Variants in FTCDNL1 observed in about 807,000 individuals in gnomAD.
FTCDNL1 encodes the protein formiminotransferase N-terminal subdomain-containing protein.
FTCDNL1 carries 11 observed loss-of-function variants against 5.9 expected under a neutral mutation model. The ratio of observed to expected loss-of-function variants is 1.87; its 90% confidence interval spans 1.18 to 3.10. The LOEUF (loss-of-function observed/expected upper bound fraction) is 3.10, where lower values mean the gene tolerates loss of function less well. Among genes scored for constraint, FTCDNL1 ranks in the 30% most tolerant of loss-of-function variants. The pLI, the probability that FTCDNL1 is intolerant of heterozygous loss-of-function variation, is 0.00. For synonymous variants in FTCDNL1, 58 were observed against 24.8 expected (o/e 2.34, Z -3.99); for missense variants, 115 against 65.5 (o/e 1.76, Z -2.61).
intron 3 of FTCDNL1, among the ~76,000 whole-genome samples, chr2:199,832,387 T>C (rs1202325029): frequency 6.6e-6 from 1 of 152,156 alleles, no homozygotes; most frequent in African/African-American, 2.4e-5. Context: ...AAAGTCACAA[T>C]AGCATTTACT....
intron 3 of FTCDNL1, among the ~76,000 whole-genome samples, chr2:199,838,405 C>T (rs980018744): frequency 1.3e-5 from 2 of 152,112 alleles, no homozygotes; most frequent in African/African-American, 2.4e-5. Flanking sequence ...CATATGTTTA[C>T]TTTCATTTCT....
Position 199,830,241 on chromosome 2 carries a change from T to C in FTCDNL1, c.212-10484A>G, listed in dbSNP as rs559077773. On this transcript the variant is annotated intron_variant, in intron 3 of 4. Coordinates refer to ENST00000420128, the MANE Select transcript of FTCDNL1 (RefSeq NM_001363886.2). Reference sequence around the variant, plus strand: ...TAAAAATTTCAGATGATAAGACAGATAGCCCTAAAAGTTTTTGCCTAAACT... The same window carrying C: ...TAAAAATTTCAGATGATAAGACAGACAGCCCTAAAAGTTTTTGCCTAAACT... Among the ~76,000 whole-genome samples, 208 of 152,284 alleles carry C rather than the reference T, an allele frequency of 1.4e-3. 1 individual carries two copies. The highest frequency in any genetic ancestry group is 0.01 in the Middle Eastern group (3 of 294).
chr2:199,835,777 T>C (rs1228138660), intron 3 of FTCDNL1, among the ~76,000 whole-genome samples: 1 of 152,160 alleles, frequency 6.6e-6, no homozygotes, highest in Non-Finnish European at 1.5e-5. Flanking sequence ...CCTTACTAGA[T>C]CCACAATCTC....
the FTCDNL1 span, among the ~76,000 whole-genome samples, chr2:199,692,217 A>G: frequency 6.6e-6 from 1 of 152,164 alleles, no homozygotes; most frequent in South Asian, 2.1e-4. Flanking sequence ...ACCTTGAGTC[A>G]CTCAATAGAA....
At chr2:199,699,413 C>A in the FTCDNL1 span, among the ~76,000 whole-genome samples, 6 of 152,124 alleles carry the variant, frequency 3.9e-5, no homozygotes, top group East Asian at 1.2e-3. Flanking sequence ...GTGATTGCAC[C>A]ACTGCACTCC....
intron 2 of FTCDNL1, among the ~76,000 whole-genome samples, chr2:199,848,370 T>C (rs1483622625): frequency 6.6e-6 from 1 of 152,186 alleles, no homozygotes; most frequent in Non-Finnish European, 1.5e-5. Flanking sequence ...GAAATAATAA[T>C]ACTGTAATGA....
chr2:199,687,602 T>C, the FTCDNL1 span, among the ~76,000 whole-genome samples: 1 of 152,138 alleles, frequency 6.6e-6, no homozygotes, highest in South Asian at 2.1e-4. Flanking sequence ...AAGTTGTAAG[T>C]GCAAACCCAT....
chr2:199,842,442 C>A (rs2076615696), intron 3 of FTCDNL1, among the ~76,000 whole-genome samples: 1 of 152,166 alleles, frequency 6.6e-6, no homozygotes, highest in South Asian at 2.1e-4. Flanking sequence ...TGGGCCTCTG[C>A]ATCACTGTTC....
chr2:199,718,360 G>T, the FTCDNL1 span, among the ~76,000 whole-genome samples: 1 of 152,068 alleles, frequency 6.6e-6, no homozygotes, highest in Non-Finnish European at 1.5e-5. Context: ...CATCCATGTT[G>T]CTGCAAAAGA....
chr2:199,763,051 G>C (rs1257483597), intron 3 of FTCDNL1, among the ~76,000 whole-genome samples: 1 of 152,184 alleles, frequency 6.6e-6, no homozygotes, highest in African/African-American at 2.4e-5. Context: ...GTGAAGGAGT[G>C]AAAGAGACAT....
chr2:199,820,320 A>G (rs1701603715), intron 3 of FTCDNL1, among the ~76,000 whole-genome samples: 1 of 152,174 alleles, frequency 6.6e-6, no homozygotes, highest in African/African-American at 2.4e-5. Flanking sequence ...ATTAAATAAA[A>G]TGGGCCAGGG....
At chr2:199,732,175 A>C in the FTCDNL1 span, among the ~76,000 whole-genome samples, 1 of 152,132 alleles carries the variant, frequency 6.6e-6, no homozygotes, top group Non-Finnish European at 1.5e-5. Context: ...CTTTTTTCCT[A>C]GACCTTCTTT....
chr2:199,850,303 T>C (rs1321556160), intron 1 of FTCDNL1, among the ~76,000 whole-genome samples: 1 of 152,234 alleles, frequency 6.6e-6, no homozygotes, highest in Non-Finnish European at 1.5e-5. Context: ...TGTGGGCGTC[T>C]TCTGGTTTTC....
the FTCDNL1 span, among the ~76,000 whole-genome samples, chr2:199,738,419 TTTA>T: frequency 6.6e-6 from 1 of 152,226 alleles, no homozygotes; most frequent in African/African-American, 2.4e-5. Context: ...TTACATAGAT[TTTA>T]TTATTATTGA....
the FTCDNL1 span, among the ~76,000 whole-genome samples, chr2:199,752,740 CTGTGTG>C: frequency 4.1e-3 from 126 of 30,694 alleles, no homozygotes; most frequent in Middle Eastern, 0.062. Flanking sequence ...CTCTCTCTCT[CTGTGTG>C]TGTGTGTGTG....
chr2:199,691,393 G>A, the FTCDNL1 span, among the ~76,000 whole-genome samples: 6 of 152,024 alleles, frequency 3.9e-5, no homozygotes, highest in Non-Finnish European at 5.9e-5. Flanking sequence ...GGCTGGTCTC[G>A]AACTACCGAC....
intron 4 of FTCDNL1, chr2:199,819,306 C>A (rs990292751): frequency 2.3e-6 from 1 of 429,732 alleles, no homozygotes; most frequent in Non-Finnish European, 4.2e-6. Flanking sequence ...GCATTCTTTT[C>A]ATCAGTGATC....
intron 3 of FTCDNL1, among the ~76,000 whole-genome samples, chr2:199,775,778 G>C (rs1699029496): frequency 7.9e-5 from 12 of 152,168 alleles, no homozygotes; most frequent in Admixed American, 7.9e-4. Context: ...GGACCTTATA[G>C]GTTCCAGGCT....
At chr2:199,739,507 C>T in the FTCDNL1 span, among the ~76,000 whole-genome samples, 1 of 152,220 alleles carries the variant, frequency 6.6e-6, no homozygotes. Flanking sequence ...GGACAACACA[C>T]TTCTGTTTTG....
Sources: gnomAD v4.1 joint callset for allele counts (sites outside exome capture counted in the v4.1 genomes callset) on GRCh38, gnomAD v4.1.1 for gene constraint, MANE v1.5 for transcripts, NCBI Gene and HGNC (gene_info 2026-07-23, HGNC 2026-07-21) for gene names.